FAF1: variants seen among roughly 807,000 people sequenced by gnomAD.
FAF1 encodes the protein FAS-associated factor 1.
Under a neutral mutation model 92.5 loss-of-function variants are expected in FAF1, and 25 were observed. That is an observed-to-expected ratio of 0.27 (90% CI 0.20 to 0.38). FAF1 has a LOEUF of 0.38. FAF1 is among the 10% of genes least tolerant of loss of function. FAF1 has a pLI of 1.00. For synonymous variants in FAF1, 234 were observed against 273.2 expected, an observed-to-expected ratio of 0.86 and a Z score of 1.42; for missense variants, 636 against 793.3, an observed-to-expected ratio of 0.80 and a Z score of 2.38.
At chr1:50,486,096 G>A (rs1646765423) in intron 17 of FAF1, among the ~76,000 whole-genome samples, 1 of 152,168 alleles carries the variant, frequency 6.6e-6, no homozygotes, top group Admixed American at 6.5e-5. Context: ...GAAAACTGAA[G>A]AGGAAGTGCC....
chr1:50,858,048 G>A, intron 1 of FAF1, 51 bp from the exon 2 acceptor site: 1 of 1,320,684 alleles, frequency 7.6e-7, no homozygotes, highest in Non-Finnish European at 1.1e-6. Context: ...AAATAGGGAG[G>A]TAAATCAGAC....
chr1:50,753,494 T>C (rs12561912), intron 4 of FAF1, among the ~76,000 whole-genome samples: 44,372 of 152,136 alleles, frequency 0.29, 6,798 homozygotes, highest in Middle Eastern at 0.48. Flanking sequence ...CCATTTCTCT[T>C]GAGAACCTAT....
chr1:50,457,856 C>A (rs1328074853), intron 18 of FAF1, among the ~76,000 whole-genome samples: 17 of 142,840 alleles, frequency 1.2e-4, no homozygotes, highest in Non-Finnish European at 3.0e-5. Flanking sequence ...CAGAGTAAGA[C>A]CCTGTCTCCA....
intron 8 of FAF1, among the ~76,000 whole-genome samples, chr1:50,642,850 T>C (rs1654406755): frequency 6.6e-6 from 1 of 152,092 alleles, no homozygotes; most frequent in African/African-American, 2.4e-5. Flanking sequence ...TTTTTTGTTG[T>C]TGTTGTTTGA....
intron 4 of FAF1, among the ~76,000 whole-genome samples, chr1:50,764,835 C>A (rs1034616236): frequency 6.6e-6 from 1 of 152,186 alleles, no homozygotes. Context: ...TTCAGATAAA[C>A]TAACCTGTCA....
intron 12 of FAF1, among the ~76,000 whole-genome samples, chr1:50,569,522 C>G (rs1557998893): frequency 6.6e-6 from 1 of 152,146 alleles, no homozygotes; most frequent in African/African-American, 2.4e-5. Context: ...AAATTCAGAA[C>G]TCTTCTTCTT....
intron 2 of FAF1, among the ~76,000 whole-genome samples, chr1:50,816,131 G>C (rs1643970824): frequency 6.8e-6 from 1 of 146,368 alleles, no homozygotes. Flanking sequence ...TTTTTTTCAT[G>C]TTGTTGGCCA....
chr1:50,884,431 G>A (rs982867006), intron 1 of FAF1, among the ~76,000 whole-genome samples: 4 of 151,890 alleles, frequency 2.6e-5, no homozygotes, highest in African/African-American at 4.8e-5. Flanking sequence ...GCGATGCTGA[G>A]GCAGGAGAAT....
At position 50,747,773 on chromosome 1, in the gene FAF1, G is replaced by A. The variant is rs183229989; in HGVS notation, c.368-2998C>T. 4.6e-5 allele frequency among the ~76,000 whole-genome samples: 7 copies of A among 152,280 alleles called. No individual in the cohort carries two copies. In the East Asian group the frequency reaches 1.2e-3, roughly 25 times the overall value. ...GAGTGTTGGCAGTGGGGTCTGGTAG[G>A]AGGTGACTGAATCATGTGTGACAGA... On this transcript the variant is annotated intron_variant, in intron 4 of 18. Transcript: ENST00000396153.
chr1:50,589,513 C>A (rs1651401647), intron 9 of FAF1, among the ~76,000 whole-genome samples: 1 of 152,210 alleles, frequency 6.6e-6, no homozygotes, highest in Admixed American at 6.5e-5. Flanking sequence ...GGGTCTTTGC[C>A]CATTTTTTAA....
intron 2 of FAF1, among the ~76,000 whole-genome samples, chr1:50,823,714 G>C (rs1362404456): frequency 6.6e-6 from 1 of 151,320 alleles, no homozygotes; most frequent in East Asian, 1.9e-4. Context: ...CAACTTCAAG[G>C]AATATCGGTT....
At chr1:50,657,761 A>T (rs1655190799) in intron 7 of FAF1, among the ~76,000 whole-genome samples, 1 of 152,240 alleles carries the variant, frequency 6.6e-6, no homozygotes, top group Non-Finnish European at 1.5e-5. Flanking sequence ...TACGGAAAGG[A>T]GAAACAAAAA....
At chr1:50,748,108 A>C (rs920951784) in intron 4 of FAF1, among the ~76,000 whole-genome samples, 1 of 152,214 alleles carries the variant, frequency 6.6e-6, no homozygotes, top group African/African-American at 2.4e-5. Context: ...CAGATAGAGA[A>C]AGCTTTGTGA....
chr1:50,590,593 G>A (rs1287345423), intron 9 of FAF1, among the ~76,000 whole-genome samples: 2 of 152,202 alleles, frequency 1.3e-5, no homozygotes, highest in African/African-American at 4.8e-5. Context: ...AGTGAACAGA[G>A]ATTATTTTAA....
chr1:50,775,088 G>A (rs1051552325), intron 4 of FAF1, among the ~76,000 whole-genome samples: 19 of 152,012 alleles, frequency 1.2e-4, no homozygotes, highest in African/African-American at 4.6e-4. Flanking sequence ...TTATTTATAT[G>A]TATACAGCTA....
intron 18 of FAF1, among the ~76,000 whole-genome samples, chr1:50,466,642 A>G (rs1646499889): frequency 6.6e-6 from 1 of 152,244 alleles, no homozygotes; most frequent in African/African-American, 2.4e-5. Context: ...GGAATAATGT[A>G]TGGGTAGTTA....
intron 8 of FAF1, among the ~76,000 whole-genome samples, chr1:50,621,846 C>G (rs1476546488): frequency 6.6e-6 from 1 of 152,156 alleles, no homozygotes; most frequent in Non-Finnish European, 1.5e-5. Flanking sequence ...GCCGACCACA[C>G]TCCTGTCTGT....
chr1:50,742,920 T>C (rs377603958), intron 5 of FAF1, among the ~76,000 whole-genome samples: 1 of 152,228 alleles, frequency 6.6e-6, no homozygotes, highest in African/African-American at 2.4e-5. Flanking sequence ...TTCACTTTTT[T>C]TAAAGGTTGG....
chr1:50,751,545 C>T (rs555833662), intron 4 of FAF1, among the ~76,000 whole-genome samples: 2 of 152,182 alleles, frequency 1.3e-5, no homozygotes, highest in South Asian at 4.2e-4. Flanking sequence ...GGTTTCACCA[C>T]GTTGGCCAGA....
Sources: gnomAD v4.1 joint callset for allele counts (sites outside exome capture counted in the v4.1 genomes callset) on GRCh38, gnomAD v4.1.1 for gene constraint, MANE v1.5 for transcripts, NCBI Gene and HGNC (gene_info 2026-07-23, HGNC 2026-07-21) for gene names.